Variants in ISM2 observed in about 807,000 individuals in gnomAD.
ISM2 encodes the protein isthmin-2.
In ISM2, 50 loss-of-function variants were observed where a neutral mutation model predicts 58.0. The ratio of observed to expected loss-of-function variants is 0.86; its 90% CI spans 0.69 to 1.09. ISM2 has a LOEUF of 1.09. Ranked by LOEUF, ISM2 falls within the 50% of genes least tolerant of loss-of-function variation. The probability of loss-of-function intolerance (pLI) is 0.00; values close to 1 mark genes in which losing one functional copy is unlikely to be tolerated. For missense variants in ISM2, 723 were observed against 745.0 expected (o/e 0.97, Z 0.34); for synonymous variants, 303 against 312.4 (o/e 0.97, Z 0.32).
chr14:77,476,112 T>A lies in ISM2; in HGVS notation c.1199A>T (p.Asp400Val), dbSNP rs1386291506. The change falls in exon 7 of 7, where the codon GAT (aspartate) becomes GTT (valine). Residue 400 changes from aspartate (D) to valine (V), a missense_variant and splice_region_variant. By Grantham distance (152) the Asp-to-Val change is radical (BLOSUM62 -3). Coordinates refer to ENST00000342219, the MANE Select transcript of ISM2 (RefSeq NM_199296.3). ...ARNATDMHDQ[D>V]VDSCEKWLNC... ...CAGCCACTTCTCACAGCTGTCCACA[T>A]CTGCAAAGGGCCACAAAGTGCAGGA... The A allele has an allele frequency of 5.9e-6, 9 of 1,513,220 alleles. No homozygotes were observed. Among genetic ancestry groups the A allele is most frequent in the Admixed American group, 4.1e-5 (2 of 48,546 alleles). 93.7% of individuals were successfully genotyped at this position (1,513,220 alleles called of 1,614,324 possible).
intron 1 of ISM2, chr14:77,498,380 G>A: frequency 2.3e-6 from 3 of 1,325,732 alleles, no homozygotes; most frequent in Non-Finnish European, 2.0e-6. Flanking sequence ...GTGGAGTGTC[G>A]GCCACCTCAC....
intron 4 of ISM2, among the ~76,000 whole-genome samples, chr14:77,479,234 T>C (rs2079117360): frequency 6.6e-6 from 1 of 152,072 alleles, no homozygotes; most frequent in Non-Finnish European, 1.5e-5. Context: ...GCCTGGCTAA[T>C]TTTTTCTTTT....
chr14:77,485,545 C>T (rs569551965), intron 1 of ISM2, among the ~76,000 whole-genome samples: 26 of 152,374 alleles, frequency 1.7e-4, no homozygotes, highest in South Asian at 6.2e-4. Context: ...GTGTCCTCAC[C>T]GGGACAGTCC....
At chr14:77,487,448 G>C (rs1400089391) in intron 1 of ISM2, among the ~76,000 whole-genome samples, 1 of 152,106 alleles carries the variant, frequency 6.6e-6, no homozygotes, top group African/African-American at 2.4e-5. Flanking sequence ...CCCAGGCCCT[G>C]CTACCCAGTA....
At chr14:77,486,066 C>T (rs1235996295) in intron 1 of ISM2, among the ~76,000 whole-genome samples, 4 of 152,220 alleles carry the variant, frequency 2.6e-5, no homozygotes, top group African/African-American at 9.6e-5. Flanking sequence ...TCCTCATTGT[C>T]ATGCCTGTCT....
Position 77,496,076 on chromosome 14 carries a change from G to A in ISM2, c.141+2577C>T, listed in dbSNP as rs557420129. Among the ~76,000 whole-genome samples, 8 of 151,864 alleles carry A rather than the reference G, an allele frequency of 5.3e-5. No homozygotes were observed. The South Asian group carries it at 1.3e-3, about 24-fold the overall frequency. The stretch of plus-strand genomic sequence containing the variant: ...AAAAAAATACAAAAATTAGCTGGGC[G>A]TGGTGGCAGGCATCTGTAATCCCAG... On this transcript the variant is annotated intron_variant, in intron 1 of 6. Coordinates refer to ENST00000342219, the MANE Select transcript of ISM2 (RefSeq NM_199296.3).
chr14:77,478,810 A>T, intron 4 of ISM2, 95 bp from the exon 5 acceptor site: 1 of 1,302,662 alleles, frequency 7.7e-7, no homozygotes, highest in Non-Finnish European at 1.1e-6. Flanking sequence ...AGGTGGATGC[A>T]GCCCATGCCA....
intron 6 of ISM2, among the ~76,000 whole-genome samples, chr14:77,478,006 C>T (rs1278918976): frequency 6.6e-6 from 1 of 152,234 alleles, no homozygotes; most frequent in Non-Finnish European, 1.5e-5. Flanking sequence ...ACCAGATGAT[C>T]TCTAAGCTCT....
intron 5 of ISM2, 63 bp downstream of exon 5, chr14:77,478,512 G>A (rs1164259482): frequency 4.4e-6 from 7 of 1,578,752 alleles, no homozygotes; most frequent in Non-Finnish European, 6.1e-6. Context: ...CATTCCCAGG[G>A]GACCAAGCCT....
intron 3 of ISM2, among the ~76,000 whole-genome samples, chr14:77,483,420 T>C (rs922257343): frequency 1.3e-5 from 2 of 151,860 alleles, no homozygotes; most frequent in Admixed American, 1.3e-4. Context: ...TAGCCGGGCA[T>C]GTTGGTGCAC....
intron 4 of ISM2, among the ~76,000 whole-genome samples, chr14:77,480,271 G>A (rs2079123188): frequency 6.7e-6 from 1 of 150,020 alleles, no homozygotes; most frequent in African/African-American, 2.5e-5. Flanking sequence ...CAGCCACTGT[G>A]TCTCACTCCA....
rs1246745816 is a variant in ISM2 at position 77,484,371 on chromosome 14, C to T, written c.579G>A (p.Leu193=). Residue 193 remains leucine, a synonymous_variant, in exon 3 of 7, where the codon CTG becomes CTA. Transcript: ENST00000342219. ...TCAAGGTTGCGTGGACCAATTCTGGCAGCTTCTGCAGCTCCAGCAGCAAGG... is the reference window on the plus strand; with the variant it reads ...TCAAGGTTGCGTGGACCAATTCTGGTAGCTTCTGCAGCTCCAGCAGCAAGG... The part of the protein sequence containing the change: ...VTPLLLELQK[L]PELVHATLST... 1.2e-6 allele frequency: 2 copies of T among 1,612,138 alleles called. No individual in the cohort carries two copies. Among genetic ancestry groups the T allele is most frequent in the East Asian group, 2.2e-5 (1 of 44,866 alleles).
chr14:77,498,398 A>G (rs962304638), intron 1 of ISM2: 1 of 1,297,640 alleles, frequency 7.7e-7, no homozygotes, highest in African/African-American at 1.5e-5. Context: ...CACTCCGCAC[A>G]GAAGTCAAAC....
In ISM2 at chr14:77,480,302, CAAA is replaced by C. The variant is rs34339320; in HGVS notation, c.974-1590_974-1588del. 8.9e-4 allele frequency among the ~76,000 whole-genome samples: 110 copies of C among 123,444 alleles called. 1 individual carries two copies. Among genetic ancestry groups the C allele is most frequent in the Admixed American group, 1.1e-3 (14 of 12,372 alleles). The allele number at this position is 123,444 out of a possible 152,430, so 81.0% of individuals were successfully genotyped here. On this transcript the variant is annotated intron_variant, in intron 4 of 6. Transcript: ENST00000342219. ...CTCCAGACACAGTGAGACACTGTCT[CAAA>C]AAAAAAAAAAAAAGAATTTCCCTGC...
Position 77,484,513 on chromosome 14 carries a change from A to T in ISM2, c.437T>A (p.Leu146Gln), listed in dbSNP as rs140927914. The T allele has an allele frequency of 1.8e-3, 2,862 of 1,597,620 alleles. 10 individuals are homozygous for T. The highest frequency in any genetic ancestry group is 2.0e-3 in the Non-Finnish European group (2,379 of 1,171,800). The change falls in exon 3 of 7, where the codon CTG becomes CAG. Residue 146 changes from leucine to glutamine, a missense_variant. Leu to Gln is a moderately radical substitution (Grantham distance 113, BLOSUM62 -2). Coordinates refer to ENST00000342219, the MANE Select transcript of ISM2 (RefSeq NM_199296.3). ...TGCCTGCAGGTGGGTTCTGGGGAGC[A>T]GTCGTGCCTCCTCCTCTTCCCTCAG... is the stretch of plus-strand genomic sequence containing the variant. ...RPLREEEEAR[L>Q]LPRTHLQAEL...
chr14:77,489,463 T>C (rs906437155), intron 1 of ISM2, among the ~76,000 whole-genome samples: 5 of 152,202 alleles, frequency 3.3e-5, no homozygotes, highest in Non-Finnish European at 5.9e-5. Context: ...AGCAATTGAC[T>C]CTTTAGTCAG....
chr14:77,485,161 C>T (rs1380345213), intron 1 of ISM2, among the ~76,000 whole-genome samples: 1 of 152,196 alleles, frequency 6.6e-6, no homozygotes, highest in Non-Finnish European at 1.5e-5. Flanking sequence ...CCACAAAGTG[C>T]TTTCACAGAG....
intron 1 of ISM2, among the ~76,000 whole-genome samples, chr14:77,493,606 C>G (rs1411662608): frequency 6.7e-6 from 1 of 149,992 alleles, no homozygotes; most frequent in South Asian, 2.1e-4. Flanking sequence ...GGATTATAGG[C>G]GCCCACCACC....
Position 77,475,424 on chromosome 14 carries a change from T to G in ISM2, c.*171A>C. On this transcript the variant is annotated 3_prime_UTR_variant, in exon 7 of 7. Coordinates refer to ENST00000342219, the MANE Select transcript of ISM2 (RefSeq NM_199296.3). The surrounding 1 kb of genome is among the most constrained non-coding windows in gnomAD (Gnocchi z 4.1). ...CCTTCAACCTTCTCACTAACCCCAC[T>G]GAGATATCTGCTTCGGGGTCGCTGG... is the stretch of plus-strand genomic sequence containing the variant. The G allele has an allele frequency of 1.6e-6, 1 of 609,726 alleles. No homozygotes were observed. Among genetic ancestry groups the G allele is most frequent in the Non-Finnish European group, 2.8e-6 (1 of 362,094 alleles). 37.8% of individuals were successfully genotyped at this position (609,726 alleles called of 1,614,324 possible).
Sources: gnomAD v4.1 joint callset for allele counts (sites outside exome capture counted in the v4.1 genomes callset) on GRCh38, gnomAD v4.1.1 for gene constraint, Gnocchi (gnomAD v3.1) non-coding constraint, MANE v1.5 for transcripts, NCBI Gene and HGNC (gene_info 2026-07-23, HGNC 2026-07-21) for gene names.